The following THSD4 variants were observed in gnomAD, a reference collection of about 807,000 sequenced individuals.
THSD4 encodes thrombospondin type-1 domain-containing protein 4.
A neutral mutation model predicts 119.0 loss-of-function variants in THSD4; 69 were observed. The ratio of observed to expected loss-of-function variants is 0.58; its 90% CI spans 0.48 to 0.71. The LOEUF (loss-of-function observed/expected upper bound fraction) is 0.71. Ranked by LOEUF, THSD4 falls within the 30% of genes least tolerant of loss-of-function variation. THSD4 has a pLI of 0.00. For synonymous variants in THSD4, 524 were observed against 540.4 expected (o/e 0.97, Z 0.42); for missense variants, 1,393 against 1,391.1 (o/e 1.00, Z -0.02).
intron 7 of THSD4, among the ~76,000 whole-genome samples, chr15:71,628,893 C>T (rs748909361): frequency 2.0e-5 from 3 of 152,132 alleles, no homozygotes; most frequent in African/African-American, 4.8e-5. Context: ...CTGGCAGTGA[C>T]AGAAATATGG....
chr15:71,447,627 A>G (rs1205792544), intron 7 of THSD4, among the ~76,000 whole-genome samples: 1 of 152,242 alleles, frequency 6.6e-6, no homozygotes, highest in Non-Finnish European at 1.5e-5. Flanking sequence ...GCACATAGCT[A>G]CAGGCATATG....
At chr15:71,729,078 T>G (rs2052923089) in intron 9 of THSD4, 3 of 260,934 alleles carry the variant, frequency 1.1e-5, no homozygotes, top group African/African-American at 6.6e-5. Flanking sequence ...TTGGCATGTT[T>G]TCTTTTTATG....
intron 6 of THSD4, among the ~76,000 whole-genome samples, chr15:71,308,129 G>A (rs981348246): frequency 3.3e-5 from 5 of 152,128 alleles, no homozygotes; most frequent in Admixed American, 1.3e-4. Context: ...ATACTGGGTG[G>A]TCTATGTTCT....
rs377686666 is a variant in THSD4 at position 71,141,498 on chromosome 15, G to A, written c.-30G>A. 1.7e-4 allele frequency: 274 copies of A among 1,603,060 alleles called. 1 individual carries two copies. Among genetic ancestry groups the A allele is most frequent in the Admixed American group, 1.0e-3 (61 of 58,548 alleles). ...AGAAAATTGGCAACGTCTCTGAAGA[G>A]CCCTTGCTTTTGCCTGGACCCCCAG... On this transcript the variant is annotated 5_prime_UTR_variant, in exon 2 of 18. Coordinates refer to ENST00000261862, the MANE Select transcript of THSD4 (RefSeq NM_024817.3).
At chr15:71,611,086 A>G (rs1477951509) in intron 7 of THSD4, among the ~76,000 whole-genome samples, 2 of 152,252 alleles carry the variant, frequency 1.3e-5, no homozygotes, top group Non-Finnish European at 1.5e-5. Flanking sequence ...TTTTTAGACG[A>G]GTTAAAATAA....
At chr15:71,286,353 T>A (rs780990650) in intron 6 of THSD4, among the ~76,000 whole-genome samples, 11 of 152,150 alleles carry the variant, frequency 7.2e-5, no homozygotes, top group Non-Finnish European at 1.5e-4. Flanking sequence ...GGTGTTCCCC[T>A]CTATGTATCC....
At chr15:71,500,430 T>G (rs955611706) in intron 7 of THSD4, among the ~76,000 whole-genome samples, 1 of 152,230 alleles carries the variant, frequency 6.6e-6, no homozygotes, top group Non-Finnish European at 1.5e-5. Context: ...ATAGGTTGTC[T>G]TTTTCCTTTG....
chr15:71,369,407 T>G (rs1244179262), intron 6 of THSD4, among the ~76,000 whole-genome samples: 6 of 152,214 alleles, frequency 3.9e-5, no homozygotes, highest in Non-Finnish European at 1.5e-5. Flanking sequence ...AGTCTGATAT[T>G]GGCTGTGGGA....
At chr15:71,584,226 T>A (rs2049615779) in intron 7 of THSD4, among the ~76,000 whole-genome samples, 1 of 151,340 alleles carries the variant, frequency 6.6e-6, no homozygotes, top group Non-Finnish European at 1.5e-5. Flanking sequence ...CTACTCTTTT[T>A]TGGTTACCAT....
chr15:71,490,261 C>T (rs1398055501), intron 7 of THSD4, among the ~76,000 whole-genome samples: 4 of 152,046 alleles, frequency 2.6e-5, no homozygotes, highest in African/African-American at 9.7e-5. Flanking sequence ...CTCATCTCTA[C>T]TAAAAATACA....
chr15:71,684,573 T>C (rs189312345), intron 8 of THSD4, among the ~76,000 whole-genome samples: 1 of 152,190 alleles, frequency 6.6e-6, no homozygotes, highest in African/African-American at 2.4e-5. Flanking sequence ...CTACTTACGT[T>C]ATTTTTTCTT....
At position 71,473,039 on chromosome 15, in the gene THSD4, T is replaced by C. The variant is rs552496854; in HGVS notation, c.1152+61216T>C. ...CTTAATGTTACCAAGTCTTTTTGAC[T>C]GTATTACTGTATTTGGCTTTTTTTT... is the stretch of plus-strand genomic sequence containing the variant. On this transcript the variant is annotated intron_variant, in intron 7 of 17. Coordinates refer to ENST00000261862, the MANE Select transcript of THSD4 (RefSeq NM_024817.3). 1.3e-4 allele frequency among the ~76,000 whole-genome samples: 20 copies of C among 150,894 alleles called. 1 individual carries two copies. The South Asian group carries it at 4.3e-3, about 32-fold the overall frequency.
chr15:71,461,347 A>G (rs2047426086), intron 7 of THSD4, among the ~76,000 whole-genome samples: 1 of 152,150 alleles, frequency 6.6e-6, no homozygotes, highest in South Asian at 2.1e-4. Flanking sequence ...GCCCCAATAT[A>G]TTTTATGACC....
intron 6 of THSD4, among the ~76,000 whole-genome samples, chr15:71,303,366 C>G (rs2044978810): frequency 6.6e-6 from 1 of 152,146 alleles, no homozygotes; most frequent in Non-Finnish European, 1.5e-5. Flanking sequence ...TTACAGATCT[C>G]TGGCAGACAG....
intron 6 of THSD4, among the ~76,000 whole-genome samples, chr15:71,320,756 T>G (rs1401921637): frequency 6.6e-6 from 1 of 152,214 alleles, no homozygotes; most frequent in African/African-American, 2.4e-5. Context: ...CACTGAATCC[T>G]AGAATGAGAA....
At chr15:71,300,287 C>T (rs1422501155) in intron 6 of THSD4, among the ~76,000 whole-genome samples, 5 of 152,124 alleles carry the variant, frequency 3.3e-5, no homozygotes, top group Non-Finnish European at 5.9e-5. Context: ...TGAACCTCTC[C>T]TGTCACTCAG....
chr15:71,510,307 T>C (rs113450258), intron 7 of THSD4, among the ~76,000 whole-genome samples: 2,153 of 152,294 alleles, frequency 0.014, 18 homozygotes, highest in Middle Eastern at 0.051. Flanking sequence ...ATTTTGTATT[T>C]ATTGAGTGCC....
chr15:71,421,681 C>A (rs1299564260), intron 7 of THSD4, among the ~76,000 whole-genome samples: 2 of 152,030 alleles, frequency 1.3e-5, no homozygotes, highest in African/African-American at 2.4e-5. Flanking sequence ...GTCTTTTATA[C>A]CCTTCTTGTA....
intron 8 of THSD4, among the ~76,000 whole-genome samples, chr15:71,696,365 T>C (rs1373630121): frequency 6.6e-6 from 1 of 152,112 alleles, no homozygotes; most frequent in Non-Finnish European, 1.5e-5. Context: ...CTAACCCCTT[T>C]ACACTAGGAC....
Sources: allele counts gnomAD v4.1 joint callset (sites outside exome capture counted in the v4.1 genomes callset), GRCh38; gene constraint gnomAD v4.1.1; transcripts MANE v1.5; gene names NCBI Gene and HGNC (gene_info 2026-07-23, HGNC 2026-07-21).